The following PRKCB variants were observed in gnomAD, a reference collection of about 807,000 sequenced individuals.
PRKCB encodes the protein protein kinase C beta, also known as protein kinase C beta type.
PRKCB carries 13 observed loss-of-function variants against 81.5 expected under a neutral mutation model. The ratio of observed to expected loss-of-function variants is 0.16; its 90% CI spans 0.10 to 0.25. PRKCB has a LOEUF of 0.25. Among genes scored for constraint, PRKCB ranks in the 10% least tolerant of loss-of-function variants. PRKCB has a pLI of 1.00. For synonymous variants in PRKCB, 335 were observed against 321.4 expected (o/e 1.04, Z -0.45); for missense variants, 509 against 875.7 (o/e 0.58, Z 5.29).
In PRKCB at chr16:24,156,484, AG is replaced by A. The variant is rs1257378894; in HGVS notation, c.1239+1629del. Among the ~76,000 whole-genome samples, 3 of 152,180 alleles carry A rather than the reference AG, an allele frequency of 2.0e-5. No homozygotes were observed. The East Asian group carries it at 5.8e-4, about 29-fold the overall frequency. On this transcript the variant is annotated intron_variant, in intron 10 of 16. Coordinates refer to ENST00000643927, the MANE Select transcript of PRKCB (RefSeq NM_002738.7). The stretch of plus-strand genomic sequence containing the variant: ...GAGACCGGGTTTCACCATGTTGTCC[AG>A]GCTGGTCTTGAACTCCTGGACTCAA...
chr16:23,910,062 G>A (rs1326614401), intron 2 of PRKCB, among the ~76,000 whole-genome samples: 3 of 152,154 alleles, frequency 2.0e-5, no homozygotes, highest in Non-Finnish European at 4.4e-5. Context: ...GAAACCTTTT[G>A]CCCCTCTTGT....
At chr16:23,869,014 C>T (rs1962856568) in intron 2 of PRKCB, 1 of 415,468 alleles carries the variant, frequency 2.4e-6, no homozygotes, top group South Asian at 1.7e-5. Context: ...GCCCAGGGTC[C>T]CTGTGGTGGA....
chr16:23,991,555 C>A (rs1483110898), intron 3 of PRKCB, among the ~76,000 whole-genome samples: 3 of 152,042 alleles, frequency 2.0e-5, no homozygotes, highest in Non-Finnish European at 4.4e-5. Context: ...GTTTCTGTTG[C>A]CTAAGACAGA....
intron 5 of PRKCB, among the ~76,000 whole-genome samples, chr16:24,035,855 C>T (rs540607266): frequency 6.6e-6 from 1 of 152,328 alleles, no homozygotes; most frequent in Admixed American, 6.5e-5. Flanking sequence ...CTTCCCTTCT[C>T]TCCTTCTCAT....
chr16:24,197,975 C>A (rs1254047630), intron 16 of PRKCB, among the ~76,000 whole-genome samples: 3 of 152,178 alleles, frequency 2.0e-5, no homozygotes, highest in Admixed American at 6.5e-5. Flanking sequence ...GGGCATAGAG[C>A]AGGAGGACAT....
chr16:24,111,841 A>G (rs1189580941), intron 7 of PRKCB, among the ~76,000 whole-genome samples: 1 of 152,194 alleles, frequency 6.6e-6, no homozygotes, highest in Non-Finnish European at 1.5e-5. Flanking sequence ...AATAATCATG[A>G]TGATGCCACT....
intron 2 of PRKCB, among the ~76,000 whole-genome samples, chr16:23,930,297 G>C (rs934320414): frequency 1.3e-5 from 2 of 152,010 alleles, no homozygotes; most frequent in African/African-American, 4.8e-5. Flanking sequence ...AGCCTGGCAT[G>C]GTGGCTCACC....
At chr16:23,967,953 C>T (rs530533263) in intron 2 of PRKCB, among the ~76,000 whole-genome samples, 1 of 152,298 alleles carries the variant, frequency 6.6e-6, no homozygotes, top group African/African-American at 2.4e-5. Flanking sequence ...CTGCGCCGGG[C>T]CTTTTATGGT....
chr16:24,089,640 T>TG (rs1488951767), intron 5 of PRKCB, among the ~76,000 whole-genome samples: 1 of 152,072 alleles, frequency 6.6e-6, no homozygotes, highest in Non-Finnish European at 1.5e-5. Context: ...AGGCATAGGT[T>TG]GGCAAGCACC....
At chr16:24,065,255 T>C (rs1198447076) in intron 5 of PRKCB, among the ~76,000 whole-genome samples, 1 of 151,698 alleles carries the variant, frequency 6.6e-6, no homozygotes, top group African/African-American at 2.4e-5. Flanking sequence ...ATTTTTCGTT[T>C]GTCCCATGTG....
intron 2 of PRKCB, among the ~76,000 whole-genome samples, chr16:23,848,731 C>T (rs1962420218): frequency 6.6e-6 from 1 of 152,176 alleles, no homozygotes; most frequent in Non-Finnish European, 1.5e-5. Flanking sequence ...GCTGTGGGAC[C>T]TTAAGCAAGT....
At chr16:24,090,079 G>A (rs1483234083) in intron 5 of PRKCB, among the ~76,000 whole-genome samples, 1 of 152,156 alleles carries the variant, frequency 6.6e-6, no homozygotes, top group Admixed American at 6.5e-5. Flanking sequence ...TTGGGGACAA[G>A]ATTAACATTT....
chr16:24,111,727 G>A (rs1966678722), intron 7 of PRKCB, among the ~76,000 whole-genome samples: 2 of 152,092 alleles, frequency 1.3e-5, no homozygotes, highest in South Asian at 4.1e-4. Context: ...GAGCCCAGGA[G>A]GTCAAAGCTG....
intron 1 of PRKCB, among the ~76,000 whole-genome samples, chr16:23,836,919 A>C (rs796784414): frequency 1.1e-4 from 17 of 151,638 alleles, no homozygotes; most frequent in African/African-American, 4.1e-4. Context: ...CCTCGGTCAC[A>C]TCACTGCGGG....
intron 2 of PRKCB, among the ~76,000 whole-genome samples, chr16:23,863,255 TACACACAC>T (rs57495485): frequency 3.0e-5 from 4 of 132,824 alleles, no homozygotes; most frequent in African/African-American, 8.6e-5. Context: ...TATATACACA[TACACACAC>T]ACACACACAC....
At chr16:24,132,553 C>A (rs1966854843) in intron 9 of PRKCB, among the ~76,000 whole-genome samples, 2 of 152,126 alleles carry the variant, frequency 1.3e-5, no homozygotes, top group Non-Finnish European at 2.9e-5. Flanking sequence ...GATGATAACA[C>A]CTAACATTTT....
rs1180200973 is a variant in PRKCB, at chr16:24,218,036, A to G, written c.*3220A>G. Reference sequence around the variant, plus strand: ...TCCCAAGTCTTCCTTCATTCCACAAATAATTACAAACAACCTACTGTGTGC... The same window carrying G: ...TCCCAAGTCTTCCTTCATTCCACAAGTAATTACAAACAACCTACTGTGTGC... On this transcript the variant is annotated 3_prime_UTR_variant, in exon 17 of 17. Transcript: ENST00000643927. 1.0e-6 allele frequency: 1 copy of G among 985,310 alleles called. No individual in the cohort carries two copies. The highest frequency in any genetic ancestry group is 1.7e-5 in the African/African-American group (1 of 57,240). 61.0% of individuals were successfully genotyped at this position (985,310 alleles called of 1,614,324 possible).
At chr16:24,145,838 A>G (rs1254616079) in intron 9 of PRKCB, among the ~76,000 whole-genome samples, 1 of 152,250 alleles carries the variant, frequency 6.6e-6, no homozygotes, top group East Asian at 1.9e-4. Context: ...TGGTGAAAAG[A>G]TGATGTTGAC....
intron 3 of PRKCB, among the ~76,000 whole-genome samples, chr16:24,025,513 T>C (rs1406689614): frequency 6.6e-6 from 1 of 152,252 alleles, no homozygotes; most frequent in African/African-American, 2.4e-5. Flanking sequence ...CAAGTACAGT[T>C]TATGCCCTGA....
Sources: gnomAD v4.1 joint callset for allele counts (sites outside exome capture counted in the v4.1 genomes callset) on GRCh38, gnomAD v4.1.1 for gene constraint, MANE v1.5 for transcripts, NCBI Gene and HGNC (gene_info 2026-07-23, HGNC 2026-07-21) for gene names.